The following GALNT13 variants were observed in gnomAD, a reference collection of about 807,000 sequenced individuals.
The protein encoded by GALNT13 is polypeptide N-acetylgalactosaminyltransferase 13.
A neutral mutation model predicts 64.2 loss-of-function variants in GALNT13; 28 were observed. That is an observed-to-expected ratio of 0.44 (90% confidence interval 0.32 to 0.60). GALNT13 has a LOEUF of 0.60. GALNT13 is among the 20% of genes least tolerant of loss of function. GALNT13 has a pLI of 0.05. For missense variants in GALNT13, 577 were observed against 669.8 expected (o/e 0.86, Z 1.53); for synonymous variants, 214 against 224.6 (o/e 0.95, Z 0.42).
intron 4 of GALNT13, among the ~76,000 whole-genome samples, chr2:154,180,483 A>C (rs982672222): frequency 6.6e-6 from 1 of 151,858 alleles, no homozygotes; most frequent in Non-Finnish European, 1.5e-5. Context: ...TCTTGCTGAA[A>C]GATGTACGTT....
At chr2:153,828,618 C>A in the GALNT13 span, among the ~76,000 whole-genome samples, 18 of 152,120 alleles carry the variant, frequency 1.2e-4, no homozygotes, top group Non-Finnish European at 2.6e-4. Context: ...CCTCCTAGGC[C>A]TCCAGTCGTG....
chr2:154,324,606 A>C (rs770296800), intron 9 of GALNT13, among the ~76,000 whole-genome samples: 1 of 152,110 alleles, frequency 6.6e-6, no homozygotes, highest in Non-Finnish European at 1.5e-5. Flanking sequence ...ATTTCTCTCC[A>C]AGTTTCAGGT....
At chr2:153,650,461 T>C in the GALNT13 span, among the ~76,000 whole-genome samples, 1 of 152,220 alleles carries the variant, frequency 6.6e-6, no homozygotes, top group Non-Finnish European at 1.5e-5. Flanking sequence ...TTAGCCCATT[T>C]ACTTTTAAGG....
the GALNT13 span, among the ~76,000 whole-genome samples, chr2:153,790,474 G>T: frequency 6.6e-6 from 1 of 152,170 alleles, no homozygotes; most frequent in Non-Finnish European, 1.5e-5. Context: ...AGCCATTTAT[G>T]ACAAACCCAA....
chr2:154,405,274 A>G (rs564080803), intron 10 of GALNT13, among the ~76,000 whole-genome samples: 20 of 152,254 alleles, frequency 1.3e-4, no homozygotes, highest in Admixed American at 1.2e-3. Context: ...GTAAGAACAC[A>G]TGAGTGAATA....
intron 10 of GALNT13, among the ~76,000 whole-genome samples, chr2:154,403,678 G>A (rs954455198): frequency 2.8e-4 from 42 of 152,110 alleles, no homozygotes; most frequent in African/African-American, 1.0e-3. Context: ...TTTGTTTTTA[G>A]GCTTTTTGAC....
intron 4 of GALNT13, among the ~76,000 whole-genome samples, chr2:154,240,803 G>C (rs1384766798): frequency 2.0e-5 from 3 of 152,196 alleles, no homozygotes; most frequent in Admixed American, 6.5e-5. Flanking sequence ...TGGTGTACCG[G>C]AAGAGTCACA....
At chr2:153,138,524 T>C in the GALNT13 span, among the ~76,000 whole-genome samples, 1 of 152,066 alleles carries the variant, frequency 6.6e-6, no homozygotes, top group Non-Finnish European at 1.5e-5. Context: ...ATATCATCGA[T>C]GTTTTTATTT....
chr2:153,501,647 C>T, the GALNT13 span, among the ~76,000 whole-genome samples: 1 of 152,080 alleles, frequency 6.6e-6, no homozygotes, highest in Non-Finnish European at 1.5e-5. Context: ...CTTTGTTTTT[C>T]CCAAGGAGTC....
intron 3 of GALNT13, among the ~76,000 whole-genome samples, chr2:153,991,277 A>T (rs973863976): frequency 1.5e-4 from 23 of 152,186 alleles, no homozygotes; most frequent in Non-Finnish European, 2.4e-4. Context: ...AAAACGTGAG[A>T]ATGAGCTGAC....
chr2:153,253,836 A>G, the GALNT13 span, among the ~76,000 whole-genome samples: 1 of 151,982 alleles, frequency 6.6e-6, no homozygotes, highest in African/African-American at 2.4e-5. Context: ...ATCATGGTGG[A>G]TAAGTTTTTG....
the GALNT13 span, among the ~76,000 whole-genome samples, chr2:153,170,292 G>T: frequency 6.6e-6 from 1 of 152,006 alleles, no homozygotes; most frequent in Admixed American, 6.6e-5. Flanking sequence ...ATCAGAGAAA[G>T]ATTCTTTTAA....
At chr2:154,417,222 A>G (rs1700048659) in intron 11 of GALNT13, among the ~76,000 whole-genome samples, 2 of 151,238 alleles carry the variant, frequency 1.3e-5, no homozygotes, top group South Asian at 4.2e-4. Context: ...ACCTTCCTTA[A>G]ATAATTAAGT....
the GALNT13 span, among the ~76,000 whole-genome samples, chr2:153,644,939 T>A: frequency 6.6e-6 from 1 of 152,302 alleles, no homozygotes; most frequent in African/African-American, 2.4e-5. Context: ...ATCCTACATA[T>A]GCCTTCTCTG....
intron 3 of GALNT13, among the ~76,000 whole-genome samples, chr2:154,127,028 G>T (rs185024436): frequency 6.2e-4 from 94 of 152,254 alleles, no homozygotes; most frequent in African/African-American, 2.0e-3. Flanking sequence ...ATACTCAGCT[G>T]CAGCTTAAAA....
chr2:154,337,957 C>CTT (rs2105214717), intron 9 of GALNT13, among the ~76,000 whole-genome samples: 1 of 152,122 alleles, frequency 6.6e-6, no homozygotes, highest in South Asian at 2.1e-4. Context: ...AGTTCCTAGA[C>CTT]TTGCAGCAAG....
At chr2:154,324,310 T>A (rs1234762897) in intron 9 of GALNT13, among the ~76,000 whole-genome samples, 2 of 152,096 alleles carry the variant, frequency 1.3e-5, no homozygotes, top group Admixed American at 1.3e-4. Context: ...CTCAATTAAG[T>A]CTTGTTTCTA....
Position 154,229,621 on chromosome 2 carries a change from A to G in GALNT13, c.312-12409A>G, listed in dbSNP as rs143906851. Among the ~76,000 whole-genome samples, 416 of 152,176 alleles carry G rather than the reference A, an allele frequency of 2.7e-3. 3 individuals are homozygous for G. Among genetic ancestry groups the G allele is most frequent in the African/African-American group, 9.9e-3 (411 of 41,546 alleles). On this transcript the variant is annotated intron_variant, in intron 4 of 12. Transcript: ENST00000392825. ...GAGGAGAGGGAATAGTTGAATGCCA[A>G]TGGAGAAAATTAGGATTTCTGAGAG...
the GALNT13 span, among the ~76,000 whole-genome samples, chr2:153,209,246 C>T: frequency 6.6e-6 from 1 of 152,090 alleles, no homozygotes; most frequent in Non-Finnish European, 1.5e-5. Context: ...TCCCAAAGTG[C>T]TGGGATTACA....
Sources: gnomAD v4.1 joint callset for allele counts (sites outside exome capture counted in the v4.1 genomes callset) on GRCh38, gnomAD v4.1.1 for gene constraint, MANE v1.5 for transcripts, NCBI Gene and HGNC (gene_info 2026-07-23, HGNC 2026-07-21) for gene names.